The following CDK6 variants were observed in gnomAD, a reference collection of about 807,000 sequenced individuals.
CDK6 encodes cyclin dependent kinase 6.
In CDK6, 6 loss-of-function variants were observed where a neutral mutation model predicts 37.1. The observed-to-expected ratio is 0.16, with a 90% CI of 0.09 to 0.32. CDK6 has a LOEUF of 0.32. Among genes scored for constraint, CDK6 ranks in the 10% least tolerant of loss-of-function variants. The pLI is 1.00. For missense variants in CDK6, 224 were observed against 418.9 expected, an observed-to-expected ratio of 0.53 and a Z score of 4.06; for synonymous variants, 160 against 161.3, an observed-to-expected ratio of 0.99 and a Z score of 0.06.
chr7:92,640,492 G>A (rs1796278772), intron 5 of CDK6, among the ~76,000 whole-genome samples: 1 of 152,104 alleles, frequency 6.6e-6, no homozygotes, highest in South Asian at 2.1e-4. Flanking sequence ...GGAGCTTCCC[G>A]TATCAACAAA....
chr7:92,672,238 CACACAT>C (rs1797104913), intron 4 of CDK6, among the ~76,000 whole-genome samples: 7 of 145,418 alleles, frequency 4.8e-5, no homozygotes, highest in African/African-American at 7.7e-5. Context: ...CACACACACA[CACACAT>C]ATATGAAGAT....
chr7:92,708,942 G>GTACA (rs1227167530), intron 4 of CDK6, among the ~76,000 whole-genome samples: 1 of 152,124 alleles, frequency 6.6e-6, no homozygotes, highest in Non-Finnish European at 1.5e-5. Flanking sequence ...ATCCACAACA[G>GTACA]TACAGTATGA....
chr7:92,774,224 GA>G (rs1799787236), intron 3 of CDK6, among the ~76,000 whole-genome samples: 1 of 152,066 alleles, frequency 6.6e-6, no homozygotes. Context: ...AAGAAAGAAG[GA>G]GGGCCTAACA....
intron 5 of CDK6, among the ~76,000 whole-genome samples, chr7:92,671,012 T>C (rs1377210991): frequency 6.6e-6 from 1 of 152,220 alleles, no homozygotes; most frequent in East Asian, 1.9e-4. Context: ...ATTGTTTTTT[T>C]CAACTATTCT....
At chr7:92,796,213 T>C (rs955196355) in intron 2 of CDK6, among the ~76,000 whole-genome samples, 2 of 151,916 alleles carry the variant, frequency 1.3e-5, no homozygotes, top group African/African-American at 2.4e-5. Flanking sequence ...TATATATTTA[T>C]ACAATTTTTT....
At chr7:92,760,757 C>T (rs1541380) in intron 3 of CDK6, among the ~76,000 whole-genome samples, 23,616 of 152,034 alleles carry the variant, frequency 0.16, 2,474 homozygotes, top group South Asian at 0.29. Context: ...ATTTGAAATA[C>T]ATTCCCAAAA....
intron 2 of CDK6, among the ~76,000 whole-genome samples, chr7:92,809,315 A>G (rs1309328522): frequency 6.6e-6 from 1 of 152,216 alleles, no homozygotes; most frequent in Non-Finnish European, 1.5e-5. Flanking sequence ...CTCAATGTTA[A>G]TAATTTTAGA....
At chr7:92,750,466 C>A (rs1335819883) in intron 3 of CDK6, among the ~76,000 whole-genome samples, 2 of 152,220 alleles carry the variant, frequency 1.3e-5, no homozygotes, top group African/African-American at 4.8e-5. Flanking sequence ...GTGGATTCCA[C>A]TTTGATCAAC....
chr7:92,809,135 A>C (rs746756354), intron 2 of CDK6, among the ~76,000 whole-genome samples: 8 of 152,194 alleles, frequency 5.3e-5, no homozygotes, highest in Non-Finnish European at 1.0e-4. Flanking sequence ...TTCTAAAGAA[A>C]TATATCTAGA....
At chr7:92,663,789 A>T (rs187295045) in intron 5 of CDK6, among the ~76,000 whole-genome samples, 1 of 152,140 alleles carries the variant, frequency 6.6e-6, no homozygotes, top group South Asian at 2.1e-4. Flanking sequence ...TGTTTGCATT[A>T]CTCAACCAAA....
At chr7:92,624,413 C>A (rs1015070746) in intron 5 of CDK6, among the ~76,000 whole-genome samples, 2 of 152,234 alleles carry the variant, frequency 1.3e-5, no homozygotes, top group African/African-American at 4.8e-5. Context: ...GGTGCACATG[C>A]ACACAGAGAA....
At chr7:92,625,532 CAA>C (rs67461662) in intron 5 of CDK6, among the ~76,000 whole-genome samples, 1 of 142,614 alleles carries the variant, frequency 7.0e-6, no homozygotes, top group African/African-American at 2.5e-5. Context: ...TGCAGTTTTG[CAA>C]AAAAAAACAA....
At chr7:92,734,707 G>A (rs1229489730) in intron 3 of CDK6, among the ~76,000 whole-genome samples, 1 of 152,152 alleles carries the variant, frequency 6.6e-6, no homozygotes, top group Non-Finnish European at 1.5e-5. Flanking sequence ...AAAACTCCAG[G>A]GGAATCAGAA....
In CDK6 at chr7:92,614,994, T is replaced by C. The variant is rs1279438177; in HGVS notation, c.*146A>G. 2 of 704,404 alleles carry C rather than the reference T, an allele frequency of 2.8e-6. No individual in the cohort carries two copies. Among genetic ancestry groups the C allele is most frequent in the African/African-American group, 1.8e-5 (1 of 56,098 alleles). 43.6% of individuals were successfully genotyped at this position (704,404 alleles called of 1,614,324 possible). A position where few individuals can be genotyped will look rare whatever the true frequency, so the allele number is the denominator to read the frequency against. Reference sequence around the variant, plus strand: ...CAAAACAGTAAACTAGGCGGTTTCCTTGGAGAAGCAGAGCCTGTCCAGAAG... The same window carrying C: ...CAAAACAGTAAACTAGGCGGTTTCCCTGGAGAAGCAGAGCCTGTCCAGAAG... On this transcript the variant is annotated 3_prime_UTR_variant, in exon 8 of 8. Coordinates refer to ENST00000424848, the MANE Select transcript of CDK6 (RefSeq NM_001145306.2).
intron 5 of CDK6, among the ~76,000 whole-genome samples, chr7:92,629,451 AT>A (rs1562916331): frequency 2.0e-5 from 3 of 152,072 alleles, no homozygotes; most frequent in Non-Finnish European, 4.4e-5. Flanking sequence ...AAACCCTACC[AT>A]TTTTCAACTC....
chr7:92,633,336 A>G (rs1796097357), intron 5 of CDK6, among the ~76,000 whole-genome samples: 1 of 152,180 alleles, frequency 6.6e-6, no homozygotes, highest in Non-Finnish European at 1.5e-5. Context: ...GAAATTTCAC[A>G]GACAATCTAG....
At chr7:92,619,212 C>T (rs1050395326) in intron 6 of CDK6, among the ~76,000 whole-genome samples, 2 of 152,246 alleles carry the variant, frequency 1.3e-5, no homozygotes, top group East Asian at 1.9e-4. Context: ...ATAGGAAATA[C>T]ATCACTACCA....
chr7:92,618,481 T>C (rs1795730242), intron 6 of CDK6, among the ~76,000 whole-genome samples: 1 of 152,188 alleles, frequency 6.6e-6, no homozygotes, highest in Non-Finnish European at 1.5e-5. Flanking sequence ...TAAGGGATGA[T>C]GTAGAAATAG....
At chr7:92,796,073 G>C (rs1370338923) in intron 2 of CDK6, among the ~76,000 whole-genome samples, 1 of 142,064 alleles carries the variant, frequency 7.0e-6, no homozygotes, top group Non-Finnish European at 1.5e-5. Flanking sequence ...ACCACCAGCA[G>C]CTGAAATTAA....
Sources: allele counts gnomAD v4.1 joint callset (sites outside exome capture counted in the v4.1 genomes callset), GRCh38; gene constraint gnomAD v4.1.1; transcripts MANE v1.5; gene names NCBI Gene and HGNC (gene_info 2026-07-23, HGNC 2026-07-21).